PRTFDC1: variants seen among roughly 807,000 people sequenced by gnomAD.
PRTFDC1 encodes phosphoribosyltransferase domain-containing protein 1.
In PRTFDC1, 38 loss-of-function variants were observed where a neutral mutation model predicts 34.6. The ratio of observed to expected loss-of-function variants is 1.10; its 90% confidence interval spans 0.85 to 1.44. The LOEUF is 1.44. Among genes scored for constraint, PRTFDC1 ranks in the 40% most tolerant of loss-of-function variants. The pLI, the probability that PRTFDC1 is intolerant of heterozygous loss-of-function variation, is 0.00. For missense variants in PRTFDC1, 270 were observed against 283.0 expected, an observed-to-expected ratio of 0.95 and a Z score of 0.33; for synonymous variants, 93 against 98.1, an observed-to-expected ratio of 0.95 and a Z score of 0.31.
At chr10:24,916,051 A>G (rs1848690349) in intron 3 of PRTFDC1, among the ~76,000 whole-genome samples, 1 of 152,116 alleles carries the variant, frequency 6.6e-6, no homozygotes, top group Admixed American at 6.6e-5. Flanking sequence ...TCCTCTTTTC[A>G]CAATCTTCCC....
intron 3 of PRTFDC1, among the ~76,000 whole-genome samples, chr10:24,924,426 G>A (rs1165185614): frequency 6.6e-6 from 1 of 152,088 alleles, no homozygotes; most frequent in African/African-American, 2.4e-5. Context: ...ACCCACAAAG[G>A]GAAGCCCATC....
At chr10:24,892,124 C>T (rs776461837) in intron 3 of PRTFDC1, among the ~76,000 whole-genome samples, 5 of 152,066 alleles carry the variant, frequency 3.3e-5, no homozygotes, top group Non-Finnish European at 7.4e-5. Context: ...GATAAATGCC[C>T]AGCAGTGGGA....
At chr10:24,932,300 C>G (rs1433059764) in intron 3 of PRTFDC1, among the ~76,000 whole-genome samples, 1 of 151,842 alleles carries the variant, frequency 6.6e-6, no homozygotes, top group African/African-American at 2.4e-5. Context: ...GAGGTCCTAA[C>G]TGGCATGATC....
chr10:24,887,985 T>G (rs1266138893), intron 3 of PRTFDC1, among the ~76,000 whole-genome samples: 1 of 152,222 alleles, frequency 6.6e-6, no homozygotes, highest in South Asian at 2.1e-4. Flanking sequence ...GGTCTCAAAC[T>G]CTCGGGCTCA....
At chr10:24,855,396 C>G (rs1847556472) in intron 6 of PRTFDC1, 32 bp from the exon 7 acceptor site, 1 of 1,608,114 alleles carries the variant, frequency 6.2e-7, no homozygotes, top group South Asian at 1.1e-5. Flanking sequence ...TTTAGTGAAC[C>G]CAATCAAATC....
rs566658057 is a variant in PRTFDC1, at chr10:24,880,772, T to C, written c.340-8709A>G. 5.9e-5 allele frequency among the ~76,000 whole-genome samples: 9 copies of C among 152,350 alleles called. 1 individual carries two copies. The South Asian group carries it at 1.9e-3, about 32-fold the overall frequency. ...AGTGTCTGATGTTTACACTGAGCCA[T>C]TGCGTGGGCAAAATTTCCATCATTC... On this transcript the variant is annotated intron_variant, in intron 3 of 8. Transcript: ENST00000320152.
At chr10:24,852,063 G>A (rs1363866010) in intron 7 of PRTFDC1, among the ~76,000 whole-genome samples, 1 of 152,084 alleles carries the variant, frequency 6.6e-6, no homozygotes, top group African/African-American at 2.4e-5. Context: ...TGATGCAGAG[G>A]ATATTAATGA....
At chr10:24,876,075 T>C (rs535837288) in intron 3 of PRTFDC1, among the ~76,000 whole-genome samples, 139 of 152,092 alleles carry the variant, frequency 9.1e-4, no homozygotes, top group Non-Finnish European at 1.7e-3. Flanking sequence ...CTACTTTTTG[T>C]TCTTTTTAAA....
At chr10:24,922,841 C>T (rs1025832295) in intron 3 of PRTFDC1, among the ~76,000 whole-genome samples, 3 of 152,210 alleles carry the variant, frequency 2.0e-5, no homozygotes, top group African/African-American at 7.2e-5. Context: ...TGGGGTGGGG[C>T]ATTGCCTCAC....
intron 3 of PRTFDC1, among the ~76,000 whole-genome samples, chr10:24,924,305 C>A (rs1173529072): frequency 6.6e-6 from 1 of 152,106 alleles, no homozygotes; most frequent in Non-Finnish European, 1.5e-5. Flanking sequence ...ACAGAGAACA[C>A]CACAAAGATA....
intron 3 of PRTFDC1, among the ~76,000 whole-genome samples, chr10:24,880,152 G>T (rs1169259550): frequency 2.3e-4 from 35 of 152,148 alleles, no homozygotes; most frequent in Admixed American, 2.3e-3. Flanking sequence ...GAATTAGTAC[G>T]CATTAAGCAC....
At chr10:24,921,946 T>A (rs1848797362) in intron 3 of PRTFDC1, among the ~76,000 whole-genome samples, 2 of 152,152 alleles carry the variant, frequency 1.3e-5, no homozygotes, top group South Asian at 4.1e-4. Context: ...ACCATTAAAC[T>A]CAAACTTTAT....
rs1393273132 is a variant in PRTFDC1, at chr10:24,848,806, T to C, written c.*1038A>G. On this transcript the variant is annotated 3_prime_UTR_variant, in exon 9 of 9. Transcript: ENST00000320152. ...ATTTTCAATTAAAATCCCCATAAATTAGGAAATGTCTTATAAAACGGAGAA... is the reference window on the plus strand; with the variant it reads ...ATTTTCAATTAAAATCCCCATAAATCAGGAAATGTCTTATAAAACGGAGAA... 1 of 152,178 alleles carries C rather than the reference T, an allele frequency of 6.6e-6. No homozygotes were observed. The highest frequency in any genetic ancestry group is 1.5e-5 in the Non-Finnish European group (1 of 68,022). 9.4% of individuals were successfully genotyped at this position (152,178 alleles called of 1,614,324 possible).
At chr10:24,945,411 T>C (rs147708080) in intron 1 of PRTFDC1, among the ~76,000 whole-genome samples, 1 of 152,338 alleles carries the variant, frequency 6.6e-6, no homozygotes, top group Non-Finnish European at 1.5e-5. Context: ...GAGATTCCAA[T>C]GTGTCATATC....
At chr10:24,877,741 C>A (rs1037196259) in intron 3 of PRTFDC1, among the ~76,000 whole-genome samples, 2 of 152,158 alleles carry the variant, frequency 1.3e-5, no homozygotes, top group African/African-American at 4.8e-5. Flanking sequence ...CCACTTCACC[C>A]TCCTGAGTAG....
chr10:24,851,269 T>C, intron 8 of PRTFDC1, 119 bp downstream of exon 8: 1 of 1,410,574 alleles, frequency 7.1e-7, no homozygotes, highest in Non-Finnish European at 9.4e-7. Context: ...GTGCTCACCA[T>C]ACTCCTGACA....
chr10:24,918,429 T>C (rs1289993331), intron 3 of PRTFDC1, among the ~76,000 whole-genome samples: 1 of 152,200 alleles, frequency 6.6e-6, no homozygotes, highest in Non-Finnish European at 1.5e-5. Context: ...ATTTTATTTT[T>C]ATTTTAAGAA....
At position 24,887,398 on chromosome 10, in the gene PRTFDC1, A is replaced by G. The variant is rs72780355; in HGVS notation, c.340-15335T>C. Reference sequence around the variant, plus strand: ...AATCATGGTGATTCAATTATCATGGAGAACAACCTCCATGTTGTTCTCATC... The same window carrying G: ...AATCATGGTGATTCAATTATCATGGGGAACAACCTCCATGTTGTTCTCATC... On this transcript the variant is annotated intron_variant, in intron 3 of 8. Transcript: ENST00000320152. 7.6e-3 allele frequency among the ~76,000 whole-genome samples: 1,158 copies of G among 152,232 alleles called. 3 individuals carry two copies. Among genetic ancestry groups the G allele is most frequent in the Non-Finnish European group, 0.012 (836 of 68,008 alleles).
At chr10:24,895,727 A>ATC (rs1848350031) in intron 3 of PRTFDC1, among the ~76,000 whole-genome samples, 1 of 138,444 alleles carries the variant, frequency 7.2e-6, no homozygotes, top group Non-Finnish European at 1.6e-5. Flanking sequence ...ATATATATAT[A>ATC]TCTGTAAATA....
Sources: gnomAD v4.1 joint callset for allele counts (sites outside exome capture counted in the v4.1 genomes callset) on GRCh38, gnomAD v4.1.1 for gene constraint, MANE v1.5 for transcripts, NCBI Gene and HGNC (gene_info 2026-07-23, HGNC 2026-07-21) for gene names.